The following ARHGEF33 variants were observed in gnomAD, a reference collection of about 807,000 sequenced individuals.
The protein encoded by ARHGEF33 is DH and coiled-coil domain-containing protein ENSP00000381780.
A neutral mutation model predicts 101.9 loss-of-function variants in ARHGEF33; 72 were observed. The ratio of observed to expected loss-of-function variants is 0.71; its 90% confidence interval spans 0.58 to 0.86. The LOEUF is 0.86. ARHGEF33 is among the 40% of genes least tolerant of loss of function. The pLI, the probability that ARHGEF33 is intolerant of heterozygous loss-of-function variation, is 0.00. For missense variants in ARHGEF33, 1,169 were observed against 1,111.3 expected, an observed-to-expected ratio of 1.05 and a Z score of -0.74; for synonymous variants, 499 against 442.5, an observed-to-expected ratio of 1.13 and a Z score of -1.60.
intron 15 of ARHGEF33, among the ~76,000 whole-genome samples, chr2:38,958,608 T>C (rs574167990): frequency 8.5e-5 from 13 of 152,314 alleles, no homozygotes; most frequent in African/African-American, 3.1e-4. Flanking sequence ...TCAAATGAGG[T>C]CAATATTTTG....
chr2:38,960,854 GC>G (rs1285284589), intron 16 of ARHGEF33, among the ~76,000 whole-genome samples: 1 of 152,172 alleles, frequency 6.6e-6, no homozygotes, highest in East Asian at 1.9e-4. Context: ...GCCCTGGAAG[GC>G]GAGTGGCAGC....
At chr2:38,916,753 A>G (rs936994199) in intron 2 of ARHGEF33, among the ~76,000 whole-genome samples, 7 of 151,654 alleles carry the variant, frequency 4.6e-5, no homozygotes, top group Non-Finnish European at 7.4e-5. Context: ...ATGTGAATAA[A>G]GGTCTTTTTC....
chr2:38,902,706 G>A (rs1025979806), intron 2 of ARHGEF33, among the ~76,000 whole-genome samples: 2 of 152,130 alleles, frequency 1.3e-5, no homozygotes, highest in Non-Finnish European at 2.9e-5. Flanking sequence ...CCTATTCTGT[G>A]CTGGACACTG....
chr2:38,906,285 G>A (rs570669437), intron 2 of ARHGEF33, among the ~76,000 whole-genome samples: 16 of 152,148 alleles, frequency 1.1e-4, no homozygotes, highest in Admixed American at 4.6e-4. Context: ...TTGGAGGTAG[G>A]GGGATGGAAC....
chr2:38,960,675 C>T, intron 16 of ARHGEF33, 27 bp downstream of exon 16: 3 of 1,368,502 alleles, frequency 2.2e-6, no homozygotes, highest in Non-Finnish European at 2.9e-6. Flanking sequence ...CCGAAACCCA[C>T]AGCGTCGACG....
chr2:38,900,703 T>C (rs1666218602), intron 2 of ARHGEF33, among the ~76,000 whole-genome samples: 1 of 152,144 alleles, frequency 6.6e-6, no homozygotes, highest in South Asian at 2.1e-4. Context: ...GAGGTGTGAT[T>C]TGCAGAGCCG....
chr2:38,934,875 T>C (rs557909825), intron 7 of ARHGEF33, among the ~76,000 whole-genome samples: 1 of 150,566 alleles, frequency 6.6e-6, no homozygotes, highest in East Asian at 2.0e-4. Context: ...TTAAATAGAG[T>C]GCCAGGCAAA....
intron 2 of ARHGEF33, among the ~76,000 whole-genome samples, chr2:38,915,000 A>G (rs1666601702): frequency 6.6e-6 from 1 of 152,042 alleles, no homozygotes; most frequent in African/African-American, 2.4e-5. Flanking sequence ...GTACAACAAT[A>G]ATGATCCTAT....
At chr2:38,967,869 C>T (rs754452571) in intron 17 of ARHGEF33, among the ~76,000 whole-genome samples, 5 of 151,460 alleles carry the variant, frequency 3.3e-5, no homozygotes, top group South Asian at 2.1e-4. Context: ...CGTGAGCCAC[C>T]GCACCCGGCC....
chr2:38,912,984 T>C (rs544961898), intron 2 of ARHGEF33, among the ~76,000 whole-genome samples: 1 of 151,990 alleles, frequency 6.6e-6, no homozygotes, highest in East Asian at 1.9e-4. Flanking sequence ...TCATTCTGTC[T>C]CCACCATTCC....
At chr2:38,894,487 A>G (rs1666078042) in intron 1 of ARHGEF33, among the ~76,000 whole-genome samples, 1 of 152,068 alleles carries the variant, frequency 6.6e-6, no homozygotes, top group East Asian at 1.9e-4. Flanking sequence ...TCTTACATTA[A>G]AAACAAACAA....
Position 38,921,624 on chromosome 2 carries a change from G to T in ARHGEF33, c.75+201G>T, listed in dbSNP as rs145167412. Among the ~76,000 whole-genome samples, 30 of 152,156 alleles carry T rather than the reference G, an allele frequency of 2.0e-4. 1 individual carries two copies. The highest frequency in any genetic ancestry group is 6.0e-4 in the African/African-American group (25 of 41,526). On this transcript the variant is annotated intron_variant, in intron 4 of 17. Coordinates refer to ENST00000409978, the MANE Select transcript of ARHGEF33 (RefSeq NM_001145451.5). ...TTGGAGAGAACTGATTTTTTTTTGA[G>T]ACAGGGTCTTGCTGTGTTGCCCACT...
chr2:38,968,534 C>G (rs932650784), intron 17 of ARHGEF33, among the ~76,000 whole-genome samples: 1 of 152,194 alleles, frequency 6.6e-6, no homozygotes, highest in Non-Finnish European at 1.5e-5. Flanking sequence ...AGAGGACTTG[C>G]TATGGGCTCT....
intron 9 of ARHGEF33, among the ~76,000 whole-genome samples, chr2:38,940,981 G>T (rs1375775934): frequency 6.6e-6 from 1 of 152,112 alleles, no homozygotes; most frequent in Non-Finnish European, 1.5e-5. Context: ...TTCCAGAAAT[G>T]CAAAAGTCTG....
At chr2:38,958,392 G>A (rs918398378) in intron 15 of ARHGEF33, among the ~76,000 whole-genome samples, 194 bp downstream of exon 15, 6 of 152,196 alleles carry the variant, frequency 3.9e-5, no homozygotes, top group Admixed American at 3.9e-4. Flanking sequence ...TAGAAAGTGG[G>A]AAGAGAGGCA....
intron 2 of ARHGEF33, among the ~76,000 whole-genome samples, chr2:38,913,469 A>G (rs1558425952): frequency 6.6e-6 from 1 of 152,140 alleles, no homozygotes; most frequent in Non-Finnish European, 1.5e-5. Flanking sequence ...AATAAAATAG[A>G]ATAAAAAACA....
chr2:38,910,850 AC>A (rs1178222337), intron 2 of ARHGEF33, among the ~76,000 whole-genome samples: 2 of 152,212 alleles, frequency 1.3e-5, no homozygotes, highest in Non-Finnish European at 2.9e-5. Context: ...TTAAAGTGGT[AC>A]CTTAAATTAC....
At chr2:38,892,386 G>A (rs1666025283) in intron 1 of ARHGEF33, among the ~76,000 whole-genome samples, 1 of 149,552 alleles carries the variant, frequency 6.7e-6, no homozygotes, top group African/African-American at 2.4e-5. Flanking sequence ...AGTAGGTGGG[G>A]TGGGTAGAGA....
chr2:38,934,944 C>G (rs1667096975), intron 7 of ARHGEF33, among the ~76,000 whole-genome samples: 1 of 151,606 alleles, frequency 6.6e-6, no homozygotes, highest in Admixed American at 6.6e-5. Flanking sequence ...ACGGAGCAGC[C>G]AGTGTCAGGG....
Sources: gnomAD v4.1 joint callset for allele counts (sites outside exome capture counted in the v4.1 genomes callset) on GRCh38, gnomAD v4.1.1 for gene constraint, MANE v1.5 for transcripts, NCBI Gene and HGNC (gene_info 2026-07-23, HGNC 2026-07-21) for gene names.